TENM2: variants seen among roughly 807,000 people sequenced by gnomAD.
The protein encoded by TENM2 is teneurin-2.
TENM2 carries 52 observed loss-of-function variants against 245.2 expected under a neutral mutation model. The observed-to-expected ratio is 0.21, with a 90% CI of 0.17 to 0.27. The LOEUF is 0.27. TENM2 is among the 10% of genes least tolerant of loss of function. TENM2 has a pLI of 1.00. For synonymous variants in TENM2, 1,363 were observed against 1,438.9 expected (o/e 0.95, Z 1.19); for missense variants, 3,046 against 3,666.8 (o/e 0.83, Z 4.37).
At chr5:168,036,588 A>T (rs753411050) in intron 5 of TENM2, among the ~76,000 whole-genome samples, 34 of 150,064 alleles carry the variant, frequency 2.3e-4, no homozygotes, top group Non-Finnish European at 4.3e-4. Context: ...GTGAGCCGAG[A>T]TCGCACCATT....
the TENM2 span, among the ~76,000 whole-genome samples, chr5:167,006,312 T>G: frequency 2.6e-5 from 4 of 152,258 alleles, no homozygotes; most frequent in Non-Finnish European, 4.4e-5. Flanking sequence ...TTTTTTGCTA[T>G]TAATCTCAAA....
intron 2 of TENM2, among the ~76,000 whole-genome samples, chr5:167,515,395 A>G (rs1263681712): frequency 6.6e-6 from 1 of 151,902 alleles, no homozygotes; most frequent in Non-Finnish European, 1.5e-5. Flanking sequence ...TAGGTTAAAT[A>G]CAATGTTGTT....
At chr5:167,401,257 T>C (rs549728887) in intron 2 of TENM2, among the ~76,000 whole-genome samples, 1 of 152,284 alleles carries the variant, frequency 6.6e-6, no homozygotes, top group East Asian at 1.9e-4. Context: ...GCTGTACATA[T>C]GTTGAAGTTT....
the TENM2 span, among the ~76,000 whole-genome samples, chr5:167,033,090 T>C: frequency 6.6e-6 from 1 of 152,198 alleles, no homozygotes; most frequent in Non-Finnish European, 1.5e-5. Context: ...ATAGGTTTGC[T>C]GGAATAATTT....
At chr5:167,575,441 A>AT (rs57840443) in intron 2 of TENM2, among the ~76,000 whole-genome samples, 1 of 151,790 alleles carries the variant, frequency 6.6e-6, no homozygotes, top group Admixed American at 6.6e-5. Context: ...TGGAGATAAG[A>AT]TTTTTTTCTT....
chr5:167,368,979 G>C (rs1002545006), intron 1 of TENM2, among the ~76,000 whole-genome samples: 17 of 152,116 alleles, frequency 1.1e-4, no homozygotes, highest in Non-Finnish European at 2.4e-4. Flanking sequence ...CCCCGCGCTG[G>C]TCTCCACGGA....
chr5:167,801,115 T>A (rs6883991), intron 2 of TENM2, among the ~76,000 whole-genome samples: 1,884 of 45,968 alleles, frequency 0.041, 45 homozygotes, highest in Middle Eastern at 0.047. Flanking sequence ...AAAAAATATA[T>A]ATATATATAT....
At chr5:167,335,489 T>C (rs188336269) in intron 1 of TENM2, among the ~76,000 whole-genome samples, 202 of 152,316 alleles carry the variant, frequency 1.3e-3, no homozygotes, top group African/African-American at 4.7e-3. Context: ...ATACCTGTTT[T>C]ATAAACACAC....
the TENM2 span, among the ~76,000 whole-genome samples, chr5:167,158,872 C>CTTCCTTCCTTCT: frequency 2.1e-5 from 3 of 140,980 alleles, no homozygotes; most frequent in Middle Eastern, 3.3e-3. Flanking sequence ...TCCTTCCTTC[C>CTTCCTTCCTTCT]TTCCTTCCTT....
intron 2 of TENM2, among the ~76,000 whole-genome samples, chr5:167,516,323 C>G (rs1213155706): frequency 2.0e-5 from 3 of 152,044 alleles, no homozygotes; most frequent in Non-Finnish European, 4.4e-5. Context: ...CGTAACCTCT[C>G]TAGACATTTT....
intron 2 of TENM2, among the ~76,000 whole-genome samples, chr5:167,510,957 AAGAG>A (rs549638116): frequency 4.0e-5 from 6 of 151,186 alleles, no homozygotes; most frequent in Non-Finnish European, 5.9e-5. Context: ...AAATAAAAGA[AAGAG>A]AGAGAAATGG....
At chr5:167,574,359 C>T (rs1774496132) in intron 2 of TENM2, among the ~76,000 whole-genome samples, 1 of 152,168 alleles carries the variant, frequency 6.6e-6, no homozygotes, top group South Asian at 2.1e-4. Flanking sequence ...CCAATTGATA[C>T]TGCTTTTGAA....
At chr5:168,116,495 G>A (rs1234319297) in intron 9 of TENM2, among the ~76,000 whole-genome samples, 1 of 152,132 alleles carries the variant, frequency 6.6e-6, no homozygotes, top group African/African-American at 2.4e-5. Context: ...ATTCACTCCA[G>A]GGACTGTTCT....
chr5:168,143,743 G>A (rs1393635393), intron 12 of TENM2, among the ~76,000 whole-genome samples: 1 of 151,762 alleles, frequency 6.6e-6, no homozygotes, highest in African/African-American at 2.4e-5. Context: ...AAGGCTGAAA[G>A]GAGAAGGTGG....
intron 2 of TENM2, among the ~76,000 whole-genome samples, chr5:167,596,099 T>C (rs1001377345): frequency 6.6e-6 from 1 of 152,200 alleles, no homozygotes; most frequent in Non-Finnish European, 1.5e-5. Context: ...GTCCTCTTCA[T>C]ATGATGGCAA....
At chr5:167,558,500 G>A (rs1434387970) in intron 2 of TENM2, among the ~76,000 whole-genome samples, 2 of 152,180 alleles carry the variant, frequency 1.3e-5, no homozygotes, top group African/African-American at 4.8e-5. Context: ...GTGAGTGAGC[G>A]AAGCTGAGCT....
At chr5:167,092,205 G>C in the TENM2 span, among the ~76,000 whole-genome samples, 48 of 152,022 alleles carry the variant, frequency 3.2e-4, no homozygotes, top group Non-Finnish European at 5.7e-4. Context: ...ATTTAGCGAC[G>C]TGAAAACTAT....
the TENM2 span, among the ~76,000 whole-genome samples, chr5:167,018,321 G>A: frequency 6.6e-6 from 1 of 151,410 alleles, no homozygotes; most frequent in Non-Finnish European, 1.5e-5. Flanking sequence ...TGTGATTCAG[G>A]CAACAATAAA....
the TENM2 span, among the ~76,000 whole-genome samples, chr5:167,002,802 T>A: frequency 1.3e-5 from 2 of 152,066 alleles, no homozygotes; most frequent in Admixed American, 1.3e-4. Context: ...TAATAATAAA[T>A]GAATAATTAT....
Sources: gnomAD v4.1 joint callset for allele counts (sites outside exome capture counted in the v4.1 genomes callset) on GRCh38, gnomAD v4.1.1 for gene constraint, MANE v1.5 for transcripts, NCBI Gene and HGNC (gene_info 2026-07-23, HGNC 2026-07-21) for gene names.